The following FSTL5 variants were observed in gnomAD, a reference collection of about 807,000 sequenced individuals.
FSTL5 encodes follistatin-related protein 5.
Under a neutral mutation model 89.1 loss-of-function variants are expected in FSTL5, and 62 were observed. That is an observed-to-expected ratio of 0.70 (90% CI 0.57 to 0.86). FSTL5 has a LOEUF of 0.86. FSTL5 is among the 40% of genes least tolerant of loss of function. The pLI is 0.00. For synonymous variants in FSTL5, 383 were observed against 346.2 expected, an observed-to-expected ratio of 1.11 and a Z score of -1.18; for missense variants, 1,057 against 1,001.6, an observed-to-expected ratio of 1.06 and a Z score of -0.75.
At chr4:161,773,987 C>T (rs951991396) in intron 5 of FSTL5, among the ~76,000 whole-genome samples, 6 of 152,084 alleles carry the variant, frequency 3.9e-5, no homozygotes, top group South Asian at 2.1e-4. Context: ...TATGGCCGGG[C>T]GTGGTGGCTC....
At chr4:161,742,270 C>A (rs1458448554) in intron 6 of FSTL5, among the ~76,000 whole-genome samples, 1 of 152,130 alleles carries the variant, frequency 6.6e-6, no homozygotes, top group African/African-American at 2.4e-5. Context: ...GAAGGATATT[C>A]TTGCTGCCCT....
chr4:161,451,661 C>G (rs1194822794), intron 15 of FSTL5, among the ~76,000 whole-genome samples: 1 of 152,192 alleles, frequency 6.6e-6, no homozygotes, highest in South Asian at 2.1e-4. Flanking sequence ...ATCTGTCTGA[C>G]AGCAGATGTA....
intron 7 of FSTL5, 88 bp from the exon 8 acceptor site, chr4:161,587,663 C>T: frequency 1.2e-6 from 1 of 854,066 alleles, no homozygotes; most frequent in Non-Finnish European, 1.8e-6. Flanking sequence ...AGGTACAAAA[C>T]AAATAGACTC....
In FSTL5 at chr4:161,449,102, T is replaced by C. The variant is rs564494407; in HGVS notation, c.1841+5902A>G. ...GAACTGGCATTTTCAGGATTTTATA[T>C]AAATGCCTGTTGCTTAAAGTCTCCC... On this transcript the variant is annotated intron_variant, in intron 15 of 15. Coordinates refer to ENST00000306100, the MANE Select transcript of FSTL5 (RefSeq NM_020116.5). Among the ~76,000 whole-genome samples, 3 of 152,312 alleles carry C rather than the reference T, an allele frequency of 2.0e-5. No homozygotes were observed. In the East Asian group the frequency reaches 5.8e-4, roughly 29 times the overall value.
chr4:162,066,286 T>A (rs62329635), intron 2 of FSTL5, among the ~76,000 whole-genome samples: 6 of 131,046 alleles, frequency 4.6e-5, no homozygotes, highest in African/African-American at 1.7e-4. Context: ...CTCCTCCTCC[T>A]CCTCCTCCTA....
At chr4:161,798,903 G>A (rs1408382624) in intron 4 of FSTL5, among the ~76,000 whole-genome samples, 1 of 151,668 alleles carries the variant, frequency 6.6e-6, no homozygotes, top group Non-Finnish European at 1.5e-5. Context: ...AGTGGAAGGT[G>A]AGGGGGAATT....
At chr4:161,804,383 G>C (rs1729894431) in intron 4 of FSTL5, among the ~76,000 whole-genome samples, 1 of 151,888 alleles carries the variant, frequency 6.6e-6, no homozygotes, top group Non-Finnish European at 1.5e-5. Context: ...TGTGTTCTGA[G>C]TTATTTTCAT....
rs533047431 is a variant in FSTL5, at chr4:161,460,229, T to C, written c.1609-910A>G. 2.6e-5 allele frequency among the ~76,000 whole-genome samples: 4 copies of C among 152,182 alleles called. No individual in the cohort carries two copies. In the South Asian group the frequency reaches 6.2e-4, roughly 24 times the overall value. On this transcript the variant is annotated intron_variant, in intron 13 of 15. Coordinates refer to ENST00000306100, the MANE Select transcript of FSTL5 (RefSeq NM_020116.5). ...TAGAGAATTTTCTTTTTTTTCTTTTTTCTTTTCTTTTTTATTATTATTATT... is the reference window on the plus strand; with the variant it reads ...TAGAGAATTTTCTTTTTTTTCTTTTCTCTTTTCTTTTTTATTATTATTATT...
At chr4:161,963,342 GT>G in intron 3 of FSTL5, among the ~76,000 whole-genome samples, 1 of 151,860 alleles carries the variant, frequency 6.6e-6, no homozygotes, top group East Asian at 1.9e-4. Context: ...TAAGAAGTTG[GT>G]TTTGAAGTTT....
intron 4 of FSTL5, among the ~76,000 whole-genome samples, chr4:161,851,191 T>C (rs1731538168): frequency 6.6e-6 from 1 of 152,202 alleles, no homozygotes; most frequent in East Asian, 1.9e-4. Context: ...CCTTAGGCCA[T>C]GATAATTAGC....
intron 8 of FSTL5, among the ~76,000 whole-genome samples, chr4:161,585,722 A>C (rs1733590754): frequency 6.6e-6 from 1 of 152,242 alleles, no homozygotes; most frequent in South Asian, 2.1e-4. Flanking sequence ...ATTTACCTAG[A>C]GGGTGAGGAC....
chr4:162,158,207 A>G (rs1733558459), intron 1 of FSTL5, among the ~76,000 whole-genome samples: 1 of 152,052 alleles, frequency 6.6e-6, no homozygotes, highest in South Asian at 2.1e-4. Context: ...TAGGACTTTT[A>G]AGGGAAAAAG....
chr4:161,475,358 TCTC>T (rs1176194385), intron 13 of FSTL5, among the ~76,000 whole-genome samples: 1 of 152,118 alleles, frequency 6.6e-6, no homozygotes, highest in Non-Finnish European at 1.5e-5. Context: ...CTCTCTCTCT[TCTC>T]CTTCTGGGAC....
chr4:161,578,897 TA>T (rs542370343), intron 8 of FSTL5, among the ~76,000 whole-genome samples: 3 of 151,854 alleles, frequency 2.0e-5, no homozygotes, highest in South Asian at 2.1e-4. Flanking sequence ...TTATTTAATT[TA>T]AAAAAAAGTA....
At chr4:161,809,383 T>C (rs190678113) in intron 4 of FSTL5, among the ~76,000 whole-genome samples, 233 of 152,326 alleles carry the variant, frequency 1.5e-3, no homozygotes, top group Non-Finnish European at 2.5e-3. Flanking sequence ...ACACGCCTAT[T>C]AGAATGTAAA....
At chr4:162,010,454 T>C (rs965506207) in intron 3 of FSTL5, among the ~76,000 whole-genome samples, 2 of 152,104 alleles carry the variant, frequency 1.3e-5, no homozygotes, top group African/African-American at 4.8e-5. Flanking sequence ...ATGTAAGAAA[T>C]AATCCACACA....
intron 3 of FSTL5, 113 bp from the exon 4 acceptor site, chr4:161,920,765 A>G (rs1733973938): frequency 1.0e-6 from 1 of 997,686 alleles, no homozygotes; most frequent in Admixed American, 2.9e-5. Flanking sequence ...AGTATAGTGT[A>G]TTCAGGGCTC....
intron 6 of FSTL5, among the ~76,000 whole-genome samples, chr4:161,713,263 T>C (rs781559924): frequency 6.6e-6 from 1 of 152,218 alleles, no homozygotes; most frequent in Non-Finnish European, 1.5e-5. Flanking sequence ...TTTACACATA[T>C]ACATGCTGTT....
Position 161,920,453 on chromosome 4 carries a change from C to G in FSTL5, c.360G>C (p.Leu120=). ...NHCEVHRAAC[L]KKQKITIVHN... ...GAACAATGGTAATCTTTTGTTTTTT[C>G]AGGCAAGCAGCTCTGTGCACTTCAC... Residue 120 remains leucine, a synonymous_variant, in exon 4 of 16, where the codon CTG becomes CTC. Coordinates refer to ENST00000306100, the MANE Select transcript of FSTL5 (RefSeq NM_020116.5). 1 of 1,613,820 alleles carries G rather than the reference C, an allele frequency of 6.2e-7. No homozygotes were observed. Among genetic ancestry groups the G allele is most frequent in the South Asian group, 1.1e-5 (1 of 91,066 alleles).
Sources: allele counts gnomAD v4.1 joint callset (sites outside exome capture counted in the v4.1 genomes callset), GRCh38; gene constraint gnomAD v4.1.1; transcripts MANE v1.5; gene names NCBI Gene and HGNC (gene_info 2026-07-23, HGNC 2026-07-21).